The following TCF12 variants were observed in gnomAD, a reference collection of about 807,000 sequenced individuals.
TCF12 encodes the protein DNA-binding protein HTF4.
In TCF12, 45 loss-of-function variants were observed where a neutral mutation model predicts 86.0. That is an observed-to-expected ratio of 0.52 (90% CI 0.41 to 0.67). TCF12 has a LOEUF of 0.67. Among genes scored for constraint, TCF12 ranks in the 30% least tolerant of loss-of-function variants. The pLI is 0.00. For missense variants in TCF12, 881 were observed against 859.9 expected, an observed-to-expected ratio of 1.02 and a Z score of -0.31; for synonymous variants, 330 against 299.6, an observed-to-expected ratio of 1.10 and a Z score of -1.05.
At chr15:57,222,049 CTATT>C (rs1317300691) in intron 8 of TCF12, among the ~76,000 whole-genome samples, 16 of 151,880 alleles carry the variant, frequency 1.1e-4, no homozygotes, top group African/African-American at 3.6e-4. Context: ...TAAATTTAAA[CTATT>C]TAATCTCATT....
intron 5 of TCF12, among the ~76,000 whole-genome samples, chr15:57,134,063 A>T (rs1405393564): frequency 6.6e-6 from 1 of 152,188 alleles, no homozygotes; most frequent in African/African-American, 2.4e-5. Context: ...ATTTATTGAA[A>T]ACTACTGATG....
chr15:56,950,460 A>G (rs2061214801), intron 3 of TCF12, among the ~76,000 whole-genome samples: 1 of 152,134 alleles, frequency 6.6e-6, no homozygotes, highest in Admixed American at 6.5e-5. Context: ...TCCTGGCCTC[A>G]GGTGATCTGC....
chr15:56,966,139 A>G (rs1342190683), intron 3 of TCF12, among the ~76,000 whole-genome samples: 1 of 152,090 alleles, frequency 6.6e-6, no homozygotes, highest in East Asian at 1.9e-4. Flanking sequence ...TATATGTAGC[A>G]TTTTGTTTCC....
At chr15:57,080,893 C>A (rs1276014761) in intron 4 of TCF12, among the ~76,000 whole-genome samples, 1 of 152,168 alleles carries the variant, frequency 6.6e-6, no homozygotes, top group Non-Finnish European at 1.5e-5. Flanking sequence ...CCTCTGTATG[C>A]ATTTTCCATG....
At chr15:57,113,509 T>C (rs1432905290) in intron 5 of TCF12, among the ~76,000 whole-genome samples, 3 of 152,218 alleles carry the variant, frequency 2.0e-5, no homozygotes, top group African/African-American at 7.2e-5. Flanking sequence ...ATTTCTTGAC[T>C]GGCAATCCCT....
intron 7 of TCF12, among the ~76,000 whole-genome samples, chr15:57,194,582 A>G (rs561116320): frequency 6.6e-6 from 1 of 152,210 alleles, no homozygotes; most frequent in Non-Finnish European, 1.5e-5. Context: ...CATCTTCACA[A>G]ACTATTTAGG....
At chr15:57,094,055 TAA>T (rs2049161962) in intron 5 of TCF12, among the ~76,000 whole-genome samples, 2 of 152,150 alleles carry the variant, frequency 1.3e-5, no homozygotes, top group South Asian at 4.1e-4. Context: ...GCTAATTTTT[TAA>T]TTTTTAGTTT....
At position 56,919,989 on chromosome 15, in the gene TCF12, G is replaced by A. The variant is rs1281684726; in HGVS notation, c.75+1G>A. ...GAGCGACCTACTGGACTTCAGTGCG[G>A]TATGAGAGCTTTCCATGGCATCTTG... On this transcript the variant is annotated splice_donor_variant, in intron 2 of 20. Transcript: ENST00000333725. LOFTEE classifies it high-confidence loss of function. 6.2e-7 allele frequency: 1 copy of A among 1,613,978 alleles called. No individual in the cohort carries two copies. Among genetic ancestry groups the A allele is most frequent in the African/African-American group, 1.3e-5 (1 of 74,998 alleles).
At chr15:57,126,054 A>T (rs1188304022) in intron 5 of TCF12, among the ~76,000 whole-genome samples, 1 of 152,120 alleles carries the variant, frequency 6.6e-6, no homozygotes, top group African/African-American at 2.4e-5. Context: ...AACATGATGA[A>T]ACCACGTCCC....
chr15:57,252,770 A>G (rs2060177099), intron 15 of TCF12, among the ~76,000 whole-genome samples: 1 of 152,150 alleles, frequency 6.6e-6, no homozygotes, highest in Non-Finnish European at 1.5e-5. Flanking sequence ...AATACCATTT[A>G]TTTAGTTTTG....
At chr15:56,996,042 T>G (rs1319196298) in intron 3 of TCF12, among the ~76,000 whole-genome samples, 1 of 152,226 alleles carries the variant, frequency 6.6e-6, no homozygotes, top group African/African-American at 2.4e-5. Context: ...ATTGAGATGA[T>G]CATTTGGTTT....
intron 16 of TCF12, among the ~76,000 whole-genome samples, chr15:57,253,854 A>G (rs2060226634): frequency 6.6e-6 from 1 of 152,232 alleles, no homozygotes; most frequent in South Asian, 2.1e-4. Context: ...GTGAAACTGT[A>G]ATTTATACAG....
chr15:57,275,546 A>G (rs773169990), intron 19 of TCF12, among the ~76,000 whole-genome samples: 13 of 151,856 alleles, frequency 8.6e-5, no homozygotes, highest in Non-Finnish European at 1.9e-4. Flanking sequence ...CTTTGGCAAC[A>G]CCTTCAGAGT....
At chr15:57,195,291 A>G (rs2057201122) in intron 7 of TCF12, among the ~76,000 whole-genome samples, 1 of 152,206 alleles carries the variant, frequency 6.6e-6, no homozygotes, top group Non-Finnish European at 1.5e-5. Flanking sequence ...TTTGTATTTG[A>G]TTGTATAGTG....
intron 6 of TCF12, among the ~76,000 whole-genome samples, chr15:57,180,870 A>G (rs1213742747): frequency 2.5e-5 from 3 of 119,178 alleles, no homozygotes; most frequent in African/African-American, 3.4e-5. Context: ...GCTGGAGTGC[A>G]GTGGTGTGAT....
At position 57,075,758 on chromosome 15, in the gene TCF12, T is replaced by TTTTCTTTCTTTCTTTC. The variant is rs762262996; in HGVS notation, c.222+11969_222+11984dup. Among the ~76,000 whole-genome samples, 24 of 91,298 alleles carry TTTTCTTTCTTTCTTTC rather than the reference T, an allele frequency of 2.6e-4. 1 individual carries two copies. The highest frequency in any genetic ancestry group is 8.0e-4 in the East Asian group (2 of 2,498). 59.9% of individuals were successfully genotyped at this position (91,298 alleles called of 152,430 possible). A position where few individuals can be genotyped will look rare whatever the true frequency, so the allele number is the denominator to read the frequency against. ...TTTTCTGGACATGACATGAGGTTTCTTTTCTTTCTTTCTTTCTTTCTTTCT... is the reference window on the plus strand; with the variant it reads ...TTTTCTGGACATGACATGAGGTTTCTTTTCTTTCTTTCTTTCTTTCTTTCTTTCTTTCTTTCTTTCT... On this transcript the variant is annotated intron_variant, in intron 4 of 20. Transcript: ENST00000333725.
At chr15:57,276,486 TG>T (rs1302863675) in intron 19 of TCF12, among the ~76,000 whole-genome samples, 1 of 152,220 alleles carries the variant, frequency 6.6e-6, no homozygotes, top group African/African-American at 2.4e-5. Context: ...GATGGAATAG[TG>T]GTACTTATTT....
In TCF12 at chr15:57,169,275, C is replaced by G. The variant is rs903391887; in HGVS notation, c.390+2809C>G. Among the ~76,000 whole-genome samples, 6 of 152,122 alleles carry G rather than the reference C, an allele frequency of 3.9e-5. No individual in the cohort carries two copies. In the South Asian group the frequency reaches 8.3e-4, roughly 21 times the overall value. On this transcript the variant is annotated intron_variant, in intron 6 of 20. Transcript: ENST00000333725. Reference sequence around the variant, plus strand: ...GCAGCTTAGTTAGGCAGTATTGAATCTTACATGTATTCTCATAAGAATACC... The same window carrying G: ...GCAGCTTAGTTAGGCAGTATTGAATGTTACATGTATTCTCATAAGAATACC...
At chr15:57,274,476 T>C (rs1050988778) in intron 19 of TCF12, among the ~76,000 whole-genome samples, 10 of 152,234 alleles carry the variant, frequency 6.6e-5, no homozygotes, top group African/African-American at 2.4e-4. Context: ...AATCTTCAAG[T>C]AATTATAGAC....
Sources: allele counts gnomAD v4.1 joint callset (sites outside exome capture counted in the v4.1 genomes callset), GRCh38; gene constraint gnomAD v4.1.1; transcripts MANE v1.5; gene names NCBI Gene and HGNC (gene_info 2026-07-23, HGNC 2026-07-21).